The following ROBO2 variants were observed in gnomAD, a reference collection of about 807,000 sequenced individuals.
ROBO2 encodes the protein roundabout guidance receptor 2.
Under a neutral mutation model 160.8 loss-of-function variants are expected in ROBO2, and 53 were observed. The observed-to-expected ratio is 0.33, with a 90% CI of 0.26 to 0.41. ROBO2 has a LOEUF of 0.41. ROBO2 is among the 10% of genes least tolerant of loss of function. The pLI is 1.00. For missense variants in ROBO2, 1,577 were observed against 1,722.4 expected (o/e 0.92, Z 1.49); for synonymous variants, 664 against 611.7 (o/e 1.09, Z -1.26).
chr3:76,225,232 A>T (rs933834898), intron 2 of ROBO2, among the ~76,000 whole-genome samples: 9 of 152,176 alleles, frequency 5.9e-5, no homozygotes, highest in African/African-American at 1.9e-4. Flanking sequence ...ATTGAATTCA[A>T]ATTTTTCAAT....
At position 76,753,125 on chromosome 3, in the gene ROBO2, CAAAG is replaced by C. The variant is rs565508783; in HGVS notation, c.110-344885_110-344882del. Among the ~76,000 whole-genome samples, 143 of 151,840 alleles carry C rather than the reference CAAAG, an allele frequency of 9.4e-4. 1 individual carries two copies. Among genetic ancestry groups the C allele is most frequent in the African/African-American group, 3.2e-3 (132 of 41,474 alleles). On this transcript the variant is annotated intron_variant, in intron 2 of 26. Transcript: ENST00000487694. ...ATGTCTTGTCAAAGACTTAAATAGA[CAAAG>C]AAACACTGTGCTGAAGTTAGGTGTA...
At chr3:77,381,401 C>T (rs138394297) in intron 2 of ROBO2, among the ~76,000 whole-genome samples, 1 of 152,168 alleles carries the variant, frequency 6.6e-6, no homozygotes, top group Non-Finnish European at 1.5e-5. Context: ...CCTAGGATGC[C>T]GTATTAGTCC....
chr3:77,000,227 A>G (rs1231286735), intron 2 of ROBO2, among the ~76,000 whole-genome samples: 1 of 152,170 alleles, frequency 6.6e-6, no homozygotes, highest in Admixed American at 6.6e-5. Flanking sequence ...TGAGATGTAC[A>G]TGGACTCTAT....
At chr3:75,907,403 G>T (rs1350608611) in intron 1 of ROBO2, among the ~76,000 whole-genome samples, 1 of 152,020 alleles carries the variant, frequency 6.6e-6, no homozygotes, top group African/African-American at 2.4e-5. Context: ...AAGTTTGGGG[G>T]TGGGGGTTGG....
chr3:76,515,499 A>AT (rs34049296), intron 2 of ROBO2, among the ~76,000 whole-genome samples: 2,335 of 147,976 alleles, frequency 0.016, 23 homozygotes, highest in African/African-American at 0.023. Flanking sequence ...CCTGCAAGGT[A>AT]TTTTTTTTTT....
chr3:76,448,005 C>T (rs904075735), intron 2 of ROBO2, among the ~76,000 whole-genome samples: 45 of 151,438 alleles, frequency 3.0e-4, no homozygotes, highest in African/African-American at 9.7e-4. Flanking sequence ...AACAAACCTG[C>T]ACGTTGTGTA....
intron 2 of ROBO2, among the ~76,000 whole-genome samples, chr3:76,970,521 A>G (rs2059522671): frequency 6.6e-6 from 1 of 152,122 alleles, no homozygotes; most frequent in Admixed American, 6.6e-5. Flanking sequence ...GCTAGGTGAC[A>G]AGCATTTGCC....
chr3:77,334,844 T>A (rs981005311), intron 2 of ROBO2, among the ~76,000 whole-genome samples: 3 of 152,174 alleles, frequency 2.0e-5, no homozygotes, highest in Admixed American at 6.6e-5. Flanking sequence ...CTCTGCACAG[T>A]CCATAAGAGA....
At chr3:76,704,957 C>G (rs192471234) in intron 2 of ROBO2, among the ~76,000 whole-genome samples, 210 of 152,234 alleles carry the variant, frequency 1.4e-3, no homozygotes, top group Non-Finnish European at 2.6e-3. Flanking sequence ...AATCAGTACT[C>G]TAACCAGGGG....
intron 2 of ROBO2, among the ~76,000 whole-genome samples, chr3:76,368,212 A>G (rs2075927732): frequency 1.3e-5 from 2 of 151,974 alleles, no homozygotes; most frequent in Admixed American, 1.3e-4. Flanking sequence ...TACAACATGT[A>G]TATTTAATTA....
intron 2 of ROBO2, among the ~76,000 whole-genome samples, chr3:77,412,977 G>T (rs573039293): frequency 1.6e-4 from 25 of 152,164 alleles, no homozygotes; most frequent in African/African-American, 6.0e-4. Context: ...AGCGCTTTGG[G>T]AGCCTGAGGC....
chr3:76,556,498 A>G (rs577841192), intron 2 of ROBO2, among the ~76,000 whole-genome samples: 1 of 152,364 alleles, frequency 6.6e-6, no homozygotes, highest in Non-Finnish European at 1.5e-5. Context: ...CAGTGAATAT[A>G]TCAGTATTGT....
chr3:75,969,185 T>C (rs2064909034), intron 2 of ROBO2, among the ~76,000 whole-genome samples: 1 of 148,898 alleles, frequency 6.7e-6, no homozygotes, highest in Non-Finnish European at 1.5e-5. Flanking sequence ...TATAATATGA[T>C]ATATAATATA....
chr3:76,364,503 C>T (rs1234351394), intron 2 of ROBO2, among the ~76,000 whole-genome samples: 1 of 151,920 alleles, frequency 6.6e-6, no homozygotes, highest in Non-Finnish European at 1.5e-5. Context: ...ACTAGTTAAA[C>T]TGAAAAGTAC....
chr3:76,840,643 TTTTATA>T (rs1559586120), intron 2 of ROBO2, among the ~76,000 whole-genome samples: 1 of 52,874 alleles, frequency 1.9e-5, no homozygotes, highest in African/African-American at 7.5e-5. Flanking sequence ...ATTAATTATA[TTTTATA>T]TATATATATA....
At chr3:77,320,797 A>AT (rs2064602943) in intron 2 of ROBO2, among the ~76,000 whole-genome samples, 1 of 152,192 alleles carries the variant, frequency 6.6e-6, no homozygotes, top group African/African-American at 2.4e-5. Context: ...TTAAAAAAAT[A>AT]TATTTTTTGT....
Position 76,992,354 on chromosome 3 carries a change from TATATATATATATATA to T in ROBO2, c.110-105658_110-105644del, listed in dbSNP as rs1559812162. ...ATATATATATATATATATATATATATATATATATATATATAAATTTAGCTTTTGTAAAAAAAAAGT... is the reference window on the plus strand; with the variant it reads ...ATATATATATATATATATATATATATAATTTAGCTTTTGTAAAAAAAAAGT... On this transcript the variant is annotated intron_variant, in intron 2 of 26. Coordinates refer to the ROBO2 transcript ENST00000487694. Among the ~76,000 whole-genome samples the T allele has an allele frequency of 5.3e-4, 38 of 71,046 alleles. 1 individual carries two copies. The highest frequency in any genetic ancestry group is 9.9e-4 in the Admixed American group (5 of 5,048). 46.6% of individuals were successfully genotyped at this position (71,046 alleles called of 152,430 possible). A position where few individuals can be genotyped will look rare whatever the true frequency, so the allele number is the denominator to read the frequency against.
chr3:76,012,452 A>G (rs1357338423), intron 2 of ROBO2, among the ~76,000 whole-genome samples: 1 of 152,192 alleles, frequency 6.6e-6, no homozygotes, highest in Non-Finnish European at 1.5e-5. Context: ...AAAATATACA[A>G]ATATTTGACA....
chr3:76,218,351 T>C (rs1419461342), intron 2 of ROBO2, among the ~76,000 whole-genome samples: 3 of 152,122 alleles, frequency 2.0e-5, no homozygotes, highest in African/African-American at 4.8e-5. Context: ...GGCATTCAAT[T>C]AGGAAAAGAG....
Sources: gnomAD v4.1 joint callset for allele counts (sites outside exome capture counted in the v4.1 genomes callset) on GRCh38, gnomAD v4.1.1 for gene constraint, MANE v1.5 for transcripts, NCBI Gene and HGNC (gene_info 2026-07-23, HGNC 2026-07-21) for gene names.